Variants in TMEM178A observed in about 807,000 individuals in gnomAD.
TMEM178A encodes transmembrane protein 178A, also known as transmembrane protein 178.
In TMEM178A, 12 loss-of-function variants were observed where a neutral mutation model predicts 29.1. The ratio of observed to expected loss-of-function variants is 0.41; its 90% CI spans 0.26 to 0.67. TMEM178A has a LOEUF of 0.67. Ranked by LOEUF, TMEM178A falls within the 30% of genes least tolerant of loss-of-function variation. The pLI is 0.29. For synonymous variants in TMEM178A, 210 were observed against 187.2 expected, an observed-to-expected ratio of 1.12 and a Z score of -0.99; for missense variants, 366 against 419.1, an observed-to-expected ratio of 0.87 and a Z score of 1.11.
At chr2:39,693,188 C>G (rs1340961939) in intron 1 of TMEM178A, among the ~76,000 whole-genome samples, 1 of 152,162 alleles carries the variant, frequency 6.6e-6, no homozygotes, top group Non-Finnish European at 1.5e-5. Context: ...GTGAAGAAAG[C>G]TGAGGTTTGC....
At chr2:39,701,341 T>A (rs1671772779) in intron 1 of TMEM178A, among the ~76,000 whole-genome samples, 1 of 152,140 alleles carries the variant, frequency 6.6e-6, no homozygotes, top group Non-Finnish European at 1.5e-5. Context: ...TTGACAGTCT[T>A]CTTATTTCTG....
chr2:39,711,969 A>G (rs1384702853), intron 3 of TMEM178A, among the ~76,000 whole-genome samples: 1 of 151,694 alleles, frequency 6.6e-6, no homozygotes, highest in East Asian at 1.9e-4. Flanking sequence ...CCAGGCCAGG[A>G]TTTGCCACTA....
the TMEM178A span, among the ~76,000 whole-genome samples, chr2:39,730,124 T>C: frequency 6.6e-6 from 1 of 152,304 alleles, no homozygotes; most frequent in African/African-American, 2.4e-5. Context: ...TTCTGTCCAG[T>C]GGAATCAAGG....
downstream of TMEM178A, among the ~76,000 whole-genome samples, chr2:39,718,624 G>GT (rs1672637180): frequency 6.6e-6 from 1 of 152,164 alleles, no homozygotes; most frequent in Non-Finnish European, 1.5e-5. Context: ...GCTCTATGAG[G>GT]TAAGTGCTGT....
intron 1 of TMEM178A, among the ~76,000 whole-genome samples, chr2:39,703,690 T>C (rs1257102584): frequency 6.6e-6 from 1 of 152,190 alleles, no homozygotes; most frequent in Non-Finnish European, 1.5e-5. Context: ...CACTTCCTAA[T>C]GAACTTCATG....
intron 3 of TMEM178A, among the ~76,000 whole-genome samples, chr2:39,713,283 G>T (rs1672393195): frequency 1.3e-5 from 2 of 152,166 alleles, no homozygotes; most frequent in South Asian, 4.1e-4. Flanking sequence ...AACTTATTGA[G>T]TAACACTTAG....
rs188474679 is a variant in TMEM178A, at chr2:39,675,363, C to A, written c.400+8989C>A. Among the ~76,000 whole-genome samples the A allele has an allele frequency of 2.0e-5, 3 of 152,112 alleles. No individual in the cohort carries two copies. The East Asian group carries it at 5.8e-4, about 30-fold the overall frequency. ...TACCAGTCCTCTGAACAGGTCCCAA[C>A]ACATCTGATTTGGGAAAGTTAAAAA... is the stretch of plus-strand genomic sequence containing the variant. On this transcript the variant is annotated intron_variant, in intron 1 of 3. Transcript: ENST00000281961.
chr2:39,732,412 C>A, the TMEM178A span, among the ~76,000 whole-genome samples: 2 of 152,130 alleles, frequency 1.3e-5, no homozygotes, highest in African/African-American at 4.8e-5. Context: ...TGCCGTCAGC[C>A]ATGTGGAACT....
At chr2:39,669,793 A>G (rs1164645797) in intron 1 of TMEM178A, among the ~76,000 whole-genome samples, 3 of 152,236 alleles carry the variant, frequency 2.0e-5, no homozygotes, top group Admixed American at 6.5e-5. Flanking sequence ...ACATTTCACT[A>G]TCTTGTTCAC....
intron 1 of TMEM178A, among the ~76,000 whole-genome samples, chr2:39,682,584 G>C (rs1019121612): frequency 2.0e-5 from 3 of 152,116 alleles, no homozygotes; most frequent in Admixed American, 6.5e-5. Context: ...ATAGTTCCCA[G>C]GTGAGGTTTC....
rs1558468197 is a variant in TMEM178A at position 39,717,154 on chromosome 2, G to T, written c.797G>T (p.Gly266Val). ...WSIFCAWCSL[G>V]FIVAAGGLCI... Reference sequence around the variant, plus strand: ...ATCTTTTGCGCCTGGTGCAGTTTAGGCTTTATTGTGGCAGCTGGAGGTCTC... The same window carrying T: ...ATCTTTTGCGCCTGGTGCAGTTTAGTCTTTATTGTGGCAGCTGGAGGTCTC... Residue 266 changes from glycine to valine, a missense_variant, in exon 4 of 4, where the codon GGC becomes GTC. Physicochemically the swap from Gly to Val is moderately radical, Grantham distance 109 (BLOSUM62 -3). Coordinates refer to ENST00000281961, the MANE Select transcript of TMEM178A (RefSeq NM_152390.3). 1 of 1,613,044 alleles carries T rather than the reference G, an allele frequency of 6.2e-7. No individual in the cohort carries two copies. Among genetic ancestry groups the T allele is most frequent in the East Asian group, 2.2e-5 (1 of 44,860 alleles).
chr2:39,714,066 T>C lies in TMEM178A; in HGVS notation c.653-2944T>C, dbSNP rs556762944. Among the ~76,000 whole-genome samples the C allele has an allele frequency of 4.9e-4, 75 of 152,312 alleles. 2 individuals are homozygous for C. The highest frequency in any genetic ancestry group is 1.8e-3 in the African/African-American group (73 of 41,570). On this transcript the variant is annotated intron_variant, in intron 3 of 3. Transcript: ENST00000281961. ...GTGGCAGCTATGCATGTGCAAACAT[T>C]CTTAGAAATGCGAGGGTCTGAAAAT... is the stretch of plus-strand genomic sequence containing the variant.
At chr2:39,700,835 AT>A (rs950377919) in intron 1 of TMEM178A, among the ~76,000 whole-genome samples, 35 of 145,938 alleles carry the variant, frequency 2.4e-4, no homozygotes, top group Middle Eastern at 3.5e-3. Context: ...TTTACTACAT[AT>A]TTTTTTTTTG....
chr2:39,717,293 G>A lies in TMEM178A; in HGVS notation c.*42G>A, dbSNP rs745636256. ...TGTCCACAGTGCGAGCGACTCCTGA[G>A]GGGAACAGCGCGGAGTTCAGGAGTC... On this transcript the variant is annotated 3_prime_UTR_variant, in exon 4 of 4. Coordinates refer to ENST00000281961, the MANE Select transcript of TMEM178A (RefSeq NM_152390.3). 7.5e-6 allele frequency: 12 copies of A among 1,598,084 alleles called. No individual in the cohort carries two copies. In the South Asian group the frequency reaches 7.9e-5, roughly 10 times the overall value.
At chr2:39,707,686 G>A (rs1453063600) in intron 3 of TMEM178A, among the ~76,000 whole-genome samples, 4 of 152,006 alleles carry the variant, frequency 2.6e-5, no homozygotes, top group African/African-American at 7.3e-5. Flanking sequence ...GGCTGGTCTC[G>A]AACTCCTGAC....
chr2:39,677,963 A>G (rs562452450), intron 1 of TMEM178A, among the ~76,000 whole-genome samples: 11 of 147,504 alleles, frequency 7.5e-5, no homozygotes, highest in African/African-American at 2.7e-4. Flanking sequence ...GTTCGACAAG[A>G]AAAAAAAAAA....
the TMEM178A span, among the ~76,000 whole-genome samples, chr2:39,728,217 A>T: frequency 6.6e-6 from 1 of 152,156 alleles, no homozygotes; most frequent in Non-Finnish European, 1.5e-5. Context: ...CATCCTCTCC[A>T]GAATCTGTTT....
chr2:39,672,322 C>T (rs1670439065), intron 1 of TMEM178A, among the ~76,000 whole-genome samples: 1 of 152,128 alleles, frequency 6.6e-6, no homozygotes, highest in African/African-American at 2.4e-5. Context: ...CATTTTCATT[C>T]ACTATGTTTC....
At position 39,704,136 on chromosome 2, in the gene TMEM178A, G is replaced by C; in HGVS notation, c.456G>C (p.Leu152Phe). ...ACCACTTTTCTCAGCCCATCCGCTT[G>C]CGAAACATTCCTTTTAATTTAACCA... is the stretch of plus-strand genomic sequence containing the variant. ...IKYHFSQPIR[L>F]RNIPFNLTKT... The change falls in exon 2 of 4, where the codon TTG becomes TTC. Residue 152 changes from leucine to phenylalanine, a missense_variant. Physicochemically the swap from Leu to Phe is conservative, Grantham distance 22 (BLOSUM62 0). Around this residue, in one of 2 missense-constraint regions of TMEM178A, gnomAD observed 247 missense variants for 246.8 expected, o/e 1.00. Transcript: ENST00000281961. 1 of 1,614,152 alleles carries C rather than the reference G, an allele frequency of 6.2e-7. No individual in the cohort carries two copies. The highest frequency in any genetic ancestry group is 8.5e-7 in the Non-Finnish European group (1 of 1,180,010).
Sources: allele counts gnomAD v4.1 joint callset (sites outside exome capture counted in the v4.1 genomes callset), GRCh38; gene constraint gnomAD v4.1.1; regional missense constraint gnomAD v4.1.1; transcripts MANE v1.5; gene names NCBI Gene and HGNC (gene_info 2026-07-23, HGNC 2026-07-21).